Variants in ARHGAP10 observed in about 807,000 individuals in gnomAD.
The protein encoded by ARHGAP10 is Rho GTPase activating protein 10.
In ARHGAP10, 87 loss-of-function variants were observed where a neutral mutation model predicts 108.6. The observed-to-expected ratio is 0.80, with a 90% confidence interval of 0.67 to 0.96. The LOEUF (loss-of-function observed/expected upper bound fraction) is 0.96, where lower values mean the gene tolerates loss of function less well. Ranked by LOEUF, ARHGAP10 falls within the 40% of genes least tolerant of loss-of-function variation. The pLI is 0.00. For synonymous variants in ARHGAP10, 347 were observed against 341.1 expected, an observed-to-expected ratio of 1.02 and a Z score of -0.19; for missense variants, 939 against 954.5, an observed-to-expected ratio of 0.98 and a Z score of 0.21.
intron 10 of ARHGAP10, among the ~76,000 whole-genome samples, chr4:147,902,207 A>G (rs1736279409): frequency 6.6e-6 from 1 of 152,094 alleles, no homozygotes; most frequent in Non-Finnish European, 1.5e-5. Context: ...GCCATTTTGT[A>G]TCATCCTTTT....
intron 1 of ARHGAP10, among the ~76,000 whole-genome samples, chr4:147,769,285 A>G (rs1368366425): frequency 6.6e-6 from 1 of 152,220 alleles, no homozygotes; most frequent in African/African-American, 2.4e-5. Flanking sequence ...GAAGGTAATT[A>G]GGGAAATTAC....
intron 1 of ARHGAP10, among the ~76,000 whole-genome samples, chr4:147,817,990 G>A (rs963852494): frequency 7.9e-5 from 12 of 152,106 alleles, no homozygotes; most frequent in African/African-American, 2.7e-4. Context: ...TGGGAATAAC[G>A]TGAAATCTCT....
rs184324964 is a variant in ARHGAP10, at chr4:147,922,935, G to C, written c.1228+9796G>C. Among the ~76,000 whole-genome samples the C allele has an allele frequency of 4.6e-5, 7 of 152,240 alleles. No individual in the cohort carries two copies. The East Asian group carries it at 1.4e-3, about 29-fold the overall frequency. On this transcript the variant is annotated intron_variant, in intron 13 of 22. Transcript: ENST00000336498. ...TCTGGAACTTTACTGTTTACTCAGA[G>C]AAAATGTCTTATTTATCCTTTGCTT...
intron 15 of ARHGAP10, among the ~76,000 whole-genome samples, chr4:147,949,712 G>A (rs1738524474): frequency 6.6e-6 from 1 of 152,226 alleles, no homozygotes; most frequent in Non-Finnish European, 1.5e-5. Context: ...CACTCTAGGA[G>A]ATAGCTTTAA....
intron 18 of ARHGAP10, among the ~76,000 whole-genome samples, chr4:148,015,139 G>A (rs190095338): frequency 6.6e-6 from 1 of 152,188 alleles, no homozygotes; most frequent in African/African-American, 2.4e-5. Context: ...CTCCAAACAG[G>A]GCCCTTCATT....
At chr4:147,969,219 A>C (rs1355212074) in intron 18 of ARHGAP10, among the ~76,000 whole-genome samples, 1 of 151,972 alleles carries the variant, frequency 6.6e-6, no homozygotes, top group East Asian at 1.9e-4. Context: ...CTTGTTGCTA[A>C]TGTTGGGTTC....
chr4:147,999,581 A>G (rs1740615220), intron 18 of ARHGAP10, among the ~76,000 whole-genome samples: 1 of 152,240 alleles, frequency 6.6e-6, no homozygotes, highest in Non-Finnish European at 1.5e-5. Context: ...GTTCCTGCAC[A>G]GCTAAGTGCC....
chr4:148,002,766 T>C (rs1400661792), intron 18 of ARHGAP10, among the ~76,000 whole-genome samples: 1 of 152,244 alleles, frequency 6.6e-6, no homozygotes, highest in Non-Finnish European at 1.5e-5. Context: ...GATATCCTCT[T>C]TATCATTTTT....
chr4:147,973,103 A>G (rs1739470219), intron 18 of ARHGAP10, among the ~76,000 whole-genome samples: 1 of 151,940 alleles, frequency 6.6e-6, no homozygotes, highest in Non-Finnish European at 1.5e-5. Flanking sequence ...AACTTGTAAG[A>G]TGTATGTGAA....
intron 1 of ARHGAP10, among the ~76,000 whole-genome samples, chr4:147,736,819 G>T (rs1393032175): frequency 1.3e-5 from 2 of 152,188 alleles, no homozygotes; most frequent in Admixed American, 6.5e-5. Context: ...GTAATTATTA[G>T]AAGAATGAGG....
chr4:147,918,485 G>A (rs1228788389), intron 13 of ARHGAP10, among the ~76,000 whole-genome samples: 10 of 152,114 alleles, frequency 6.6e-5, no homozygotes, highest in Admixed American at 5.2e-4. Context: ...AACCCATATC[G>A]AAAAATGATA....
intron 1 of ARHGAP10, among the ~76,000 whole-genome samples, chr4:147,791,015 A>G (rs943922963): frequency 6.6e-6 from 1 of 152,022 alleles, no homozygotes; most frequent in Non-Finnish European, 1.5e-5. Context: ...ATATGTGTAC[A>G]TATTATACAT....
At chr4:147,811,325 G>T (rs1315296826) in intron 1 of ARHGAP10, among the ~76,000 whole-genome samples, 1 of 152,222 alleles carries the variant, frequency 6.6e-6, no homozygotes, top group Non-Finnish European at 1.5e-5. Flanking sequence ...TCTGAAATAA[G>T]TGTAGAACAT....
At chr4:148,015,479 GA>G (rs1285113574) in intron 18 of ARHGAP10, among the ~76,000 whole-genome samples, 2 of 152,156 alleles carry the variant, frequency 1.3e-5, no homozygotes. Context: ...TAGTGAACCA[GA>G]ACAAACGTGA....
At chr4:147,800,836 G>C (rs1057130014) in intron 1 of ARHGAP10, among the ~76,000 whole-genome samples, 1 of 152,022 alleles carries the variant, frequency 6.6e-6, no homozygotes, top group African/African-American at 2.4e-5. Context: ...TTTTGACACA[G>C]CGTCTTACTC....
intron 3 of ARHGAP10, among the ~76,000 whole-genome samples, chr4:147,845,792 G>A (rs1733606241): frequency 1.3e-5 from 2 of 152,192 alleles, no homozygotes; most frequent in Admixed American, 6.5e-5. Flanking sequence ...GAGACACTGT[G>A]TGTAAATTCA....
At chr4:148,071,814 G>A (rs371042486) in intron 22 of ARHGAP10, among the ~76,000 whole-genome samples, 179 bp from the exon 23 acceptor site, 2 of 149,880 alleles carry the variant, frequency 1.3e-5, no homozygotes, top group African/African-American at 4.9e-5. Context: ...TGAGGATTGT[G>A]GTGGCCAGTG....
intron 3 of ARHGAP10, among the ~76,000 whole-genome samples, chr4:147,840,874 T>C (rs888065042): frequency 6.6e-6 from 1 of 152,232 alleles, no homozygotes. Flanking sequence ...GCAAATATTG[T>C]AAATGTATAT....
intron 1 of ARHGAP10, among the ~76,000 whole-genome samples, chr4:147,821,033 A>G (rs1029169952): frequency 2.6e-5 from 4 of 152,126 alleles, no homozygotes; most frequent in African/African-American, 9.7e-5. Context: ...TGTCCCTCCA[A>G]ACAGCCTCAT....
Sources: gnomAD v4.1 joint callset for allele counts (sites outside exome capture counted in the v4.1 genomes callset) on GRCh38, gnomAD v4.1.1 for gene constraint, MANE v1.5 for transcripts, NCBI Gene and HGNC (gene_info 2026-07-23, HGNC 2026-07-21) for gene names.